Variants in TAS2R1 observed in about 807,000 individuals in gnomAD.
TAS2R1 encodes taste receptor type 2 member 1.
For missense variants in TAS2R1, 370 were observed against 353.4 expected (o/e 1.05, Z -0.38); for synonymous variants, 141 against 134.2 (o/e 1.05, Z -0.35).
At chr5:9,744,000 G>A in the TAS2R1 span, among the ~76,000 whole-genome samples, 2 of 152,094 alleles carry the variant, frequency 1.3e-5, no homozygotes, top group South Asian at 2.1e-4. Flanking sequence ...ATTCAATTTT[G>A]TATTGCCTAC....
the TAS2R1 span, among the ~76,000 whole-genome samples, chr5:9,835,629 G>T: frequency 3.3e-5 from 5 of 152,178 alleles, no homozygotes; most frequent in Non-Finnish European, 7.3e-5. Flanking sequence ...CAGGGAGCCC[G>T]CATGAAAGAC....
At chr5:9,736,467 C>T in the TAS2R1 span, among the ~76,000 whole-genome samples, 2 of 152,182 alleles carry the variant, frequency 1.3e-5, no homozygotes, top group African/African-American at 4.8e-5. Context: ...GATCAACATC[C>T]CAGCTCCCTC....
At chr5:9,895,432 T>C in the TAS2R1 span, among the ~76,000 whole-genome samples, 1 of 152,206 alleles carries the variant, frequency 6.6e-6, no homozygotes, top group Non-Finnish European at 1.5e-5. Context: ...TGTAGTGATG[T>C]AGCAGCCACA....
chr5:9,696,365 G>A (rs1252625737), intron 1 of TAS2R1, among the ~76,000 whole-genome samples: 7 of 151,996 alleles, frequency 4.6e-5, no homozygotes, highest in African/African-American at 1.4e-4. Context: ...TTCAAGACCA[G>A]CCTGATCAAC....
At chr5:9,872,652 T>A in the TAS2R1 span, among the ~76,000 whole-genome samples, 1 of 152,220 alleles carries the variant, frequency 6.6e-6, no homozygotes, top group Non-Finnish European at 1.5e-5. Flanking sequence ...AATATAGATA[T>A]GCCCAGAAAT....
the TAS2R1 span, among the ~76,000 whole-genome samples, chr5:9,725,870 C>T: frequency 1.3e-4 from 20 of 152,366 alleles, no homozygotes; most frequent in Admixed American, 1.3e-3. Flanking sequence ...CTGTGTCTAG[C>T]TCAGGGTTTG....
the TAS2R1 span, among the ~76,000 whole-genome samples, chr5:9,758,787 G>A: frequency 6.6e-6 from 1 of 152,176 alleles, no homozygotes; most frequent in Non-Finnish European, 1.5e-5. Context: ...AGCCCATGAG[G>A]TGCACTTGTC....
the TAS2R1 span, among the ~76,000 whole-genome samples, chr5:9,835,598 T>C: frequency 3.3e-5 from 5 of 152,164 alleles, no homozygotes; most frequent in Non-Finnish European, 7.3e-5. Flanking sequence ...AATGACATCA[T>C]ACAGCCAGAC....
At chr5:9,754,347 C>T in the TAS2R1 span, among the ~76,000 whole-genome samples, 1 of 152,136 alleles carries the variant, frequency 6.6e-6, no homozygotes, top group Non-Finnish European at 1.5e-5. Flanking sequence ...AAAACTGGCA[C>T]AAGACAGGGA....
the TAS2R1 span, among the ~76,000 whole-genome samples, chr5:9,765,046 C>T: frequency 1.3e-5 from 2 of 152,092 alleles, no homozygotes; most frequent in African/African-American, 2.4e-5. Context: ...AACCCAGTTA[C>T]GTTAAAATCA....
chr5:9,869,404 C>T, the TAS2R1 span, among the ~76,000 whole-genome samples: 1 of 152,172 alleles, frequency 6.6e-6, no homozygotes, highest in African/African-American at 2.4e-5. Flanking sequence ...CTTTATAAAA[C>T]AAAACCATCA....
the TAS2R1 span, among the ~76,000 whole-genome samples, chr5:9,801,523 G>T: frequency 2.6e-5 from 4 of 152,216 alleles, no homozygotes; most frequent in African/African-American, 9.7e-5. Flanking sequence ...AAAGCCAAGA[G>T]AATCCACAGA....
At chr5:9,879,352 G>C in the TAS2R1 span, among the ~76,000 whole-genome samples, 17 of 152,150 alleles carry the variant, frequency 1.1e-4, no homozygotes, top group Non-Finnish European at 2.5e-4. Flanking sequence ...TGGGTGTCAG[G>C]AACACATGCA....
At chr5:9,643,681 A>G (rs1740129423) in intron 2 of TAS2R1, among the ~76,000 whole-genome samples, 1 of 152,194 alleles carries the variant, frequency 6.6e-6, no homozygotes, top group Non-Finnish European at 1.5e-5. Flanking sequence ...TCATGGAACC[A>G]CCATTGTATA....
chr5:9,900,357 C>A, the TAS2R1 span, among the ~76,000 whole-genome samples: 1 of 152,204 alleles, frequency 6.6e-6, no homozygotes, highest in African/African-American at 2.4e-5. Context: ...TGATTTCAGC[C>A]ACCAGTAAGA....
At chr5:9,756,553 T>C in the TAS2R1 span, among the ~76,000 whole-genome samples, 1 of 152,228 alleles carries the variant, frequency 6.6e-6, no homozygotes, top group Non-Finnish European at 1.5e-5. Context: ...CATGGGGCTC[T>C]TGCAATACTG....
At chr5:9,716,802 T>C (rs577032910), upstream of TAS2R1, among the ~76,000 whole-genome samples, 13 of 152,268 alleles carry the variant, frequency 8.5e-5, no homozygotes, top group Non-Finnish European at 1.9e-4. Context: ...TGGATTTACC[T>C]AGAAGTCAAG....
chr5:9,798,297 C>T, the TAS2R1 span, among the ~76,000 whole-genome samples: 1 of 151,986 alleles, frequency 6.6e-6, no homozygotes, highest in South Asian at 2.1e-4. Context: ...TGTAAATGTC[C>T]TAAAATTGGA....
chr5:9,886,783 T>C, the TAS2R1 span, among the ~76,000 whole-genome samples: 1 of 152,306 alleles, frequency 6.6e-6, no homozygotes, highest in Admixed American at 6.5e-5. Flanking sequence ...CTATGCTTAT[T>C]ACCTTGGGGA....
Sources: gnomAD v4.1 joint callset for allele counts (sites outside exome capture counted in the v4.1 genomes callset) on GRCh38, gnomAD v4.1.1 for gene constraint, MANE v1.5 for transcripts, NCBI Gene and HGNC (gene_info 2026-07-23, HGNC 2026-07-21) for gene names.